The following CXXC4 variants were observed in gnomAD, a reference collection of about 807,000 sequenced individuals.
The protein encoded by CXXC4 is CXXC finger protein 4.
In CXXC4, 5 loss-of-function variants were observed where a neutral mutation model predicts 20.5. The ratio of observed to expected loss-of-function variants is 0.24; its 90% CI spans 0.13 to 0.51. The LOEUF (loss-of-function observed/expected upper bound fraction) is 0.51, where lower values mean the gene tolerates loss of function less well. Ranked by LOEUF, CXXC4 falls within the 20% of genes least tolerant of loss-of-function variation. The probability of loss-of-function intolerance (pLI) is 0.97; values close to 1 mark genes in which losing one functional copy is unlikely to be tolerated. For missense variants in CXXC4, 419 were observed against 496.4 expected, an observed-to-expected ratio of 0.84 and a Z score of 1.48; for synonymous variants, 250 against 216.4, an observed-to-expected ratio of 1.16 and a Z score of -1.36.
At chr4:104,488,099 T>C (rs971479430) in intron 2 of CXXC4, among the ~76,000 whole-genome samples, 1 of 152,232 alleles carries the variant, frequency 6.6e-6, no homozygotes, top group Admixed American at 6.5e-5. Context: ...ATGATCCAGA[T>C]GTTAATTGGC....
chr4:104,481,476 T>C (rs527481194), intron 2 of CXXC4, among the ~76,000 whole-genome samples: 1 of 151,318 alleles, frequency 6.6e-6, no homozygotes, highest in East Asian at 2.0e-4. Flanking sequence ...GAGGTTGCAA[T>C]GAGCTGAGAT....
intron 2 of CXXC4, among the ~76,000 whole-genome samples, chr4:104,481,401 C>T (rs1736554757): frequency 6.6e-6 from 1 of 151,936 alleles, no homozygotes; most frequent in African/African-American, 2.4e-5. Context: ...GGCATCATGG[C>T]GTATGCCTGT....
chr4:104,494,248 C>T (rs1196630602), intron 1 of CXXC4, among the ~76,000 whole-genome samples: 5 of 152,188 alleles, frequency 3.3e-5, no homozygotes, highest in Admixed American at 3.3e-4. Context: ...GAGATCCATA[C>T]TTCATGATCC....
Position 104,491,585 on chromosome 4 carries a change from C to A in CXXC4, c.218G>T (p.Ser73Ile). 6.5e-7 allele frequency: 1 copy of A among 1,527,592 alleles called. No homozygotes were observed. The highest frequency in any genetic ancestry group is 8.8e-7 in the Non-Finnish European group (1 of 1,136,800). 94.6% of individuals were successfully genotyped at this position (1,527,592 alleles called of 1,614,324 possible). A position where few individuals can be genotyped will look rare whatever the true frequency, so the allele number is the denominator to read the frequency against. ...GGCGGCCGCGGCGGCGGCGGCGCTG[C>A]TGGGGAAGATGGGGGTGGTGATGCG... ...IARITTPIFP[S>I]SAAAAAAAAR... The change falls in exon 2 of 3, where the codon AGC becomes ATC. Residue 73 changes from serine to isoleucine, a missense_variant. Transcript: ENST00000394767.
chr4:104,481,689 T>G (rs1736561866), intron 2 of CXXC4, among the ~76,000 whole-genome samples: 1 of 152,166 alleles, frequency 6.6e-6, no homozygotes, highest in Admixed American at 6.6e-5. Context: ...TATATGCATG[T>G]ACATATATAT....
In CXXC4 at chr4:104,491,575, G is replaced by T. The variant is rs1458817595; in HGVS notation, c.228C>A (p.Ala76=). The change falls in exon 2 of 3, where the codon GCC becomes GCA. Residue 76 remains alanine (A), a synonymous_variant. Transcript: ENST00000394767. ...ITTPIFPSSA[A]AAAAAARIGM... is the part of the protein sequence containing the mutation. ...CGATGCGCGCGGCGGCCGCGGCGGC[G>T]GCGGCGCTGCTGGGGAAGATGGGGG... is the stretch of plus-strand genomic sequence containing the variant. The T allele has an allele frequency of 6.6e-7, 1 of 1,519,066 alleles. No individual in the cohort carries two copies. The highest frequency in any genetic ancestry group is 1.4e-5 in the African/African-American group (1 of 69,738). The allele number at this position is 1,519,066 out of a possible 1,614,324, so 94.1% of individuals were successfully genotyped here.
intron 1 of CXXC4, among the ~76,000 whole-genome samples, chr4:104,493,913 A>G (rs1480030095): frequency 1.3e-5 from 2 of 152,216 alleles, no homozygotes; most frequent in African/African-American, 4.8e-5. Context: ...GTGGAGGGAA[A>G]ATTTTCAACC....
chr4:104,481,388 CCAGGCAT>C (rs1396157538), intron 2 of CXXC4, among the ~76,000 whole-genome samples: 1 of 151,962 alleles, frequency 6.6e-6, no homozygotes, highest in East Asian at 1.9e-4. Flanking sequence ...CAAAAATTAG[CCAGGCAT>C]CATGGCGTAT....
intron 1 of CXXC4, among the ~76,000 whole-genome samples, chr4:104,492,827 T>C (rs1736932778): frequency 6.6e-6 from 1 of 151,930 alleles, no homozygotes; most frequent in South Asian, 2.1e-4. Context: ...TTCTACTTGA[T>C]TTTTTTTAAG....
Position 104,491,512 on chromosome 4 carries a change from GGCGGTGGCCGCGTTGTC to G in CXXC4, c.274_290del (p.Asp92ArgfsTer99). 7.7e-7 allele frequency: 1 copy of G among 1,304,360 alleles called. No homozygotes were observed. The allele number at this position is 1,304,360 out of a possible 1,614,324, so 80.8% of individuals were successfully genotyped here. On this transcript the variant is annotated frameshift_variant, in exon 2 of 3. Coordinates refer to ENST00000394767, the MANE Select transcript of CXXC4 (RefSeq NM_025212.4). LOFTEE classifies it high-confidence loss of function. ...CCCAGAGCATGGCGGTGGCGGCGGC[GGCGGTGGCCGCGTTGTC>G]GCAGTTCCAGGGGGACATGCCGATG... is the stretch of plus-strand genomic sequence containing the variant.
intron 2 of CXXC4, among the ~76,000 whole-genome samples, chr4:104,487,397 A>C (rs2110277591): frequency 6.6e-6 from 1 of 152,308 alleles, no homozygotes; most frequent in South Asian, 2.1e-4. Context: ...AGAGACTAAG[A>C]GGCTGGGGTT....
In CXXC4 at chr4:104,491,970, G is replaced by A. The variant is rs1736899328; in HGVS notation, c.-168C>T. Reference sequence around the variant, plus strand: ...GGTTCGGGTGGGGAGAGCAAGGTGAGGGCTGCTTTATTCCTCTCTGGGGCT... The same window carrying A: ...GGTTCGGGTGGGGAGAGCAAGGTGAAGGCTGCTTTATTCCTCTCTGGGGCT... On this transcript the variant is annotated 5_prime_UTR_variant, in exon 2 of 3. Coordinates refer to ENST00000394767, the MANE Select transcript of CXXC4 (RefSeq NM_025212.4). 3 of 419,652 alleles carry A rather than the reference G, an allele frequency of 7.1e-6. No homozygotes were observed. In the South Asian group the frequency reaches 1.7e-4, roughly 24 times the overall value. The allele number at this position is 419,652 out of a possible 1,614,324, so 26.0% of individuals were successfully genotyped here.
At chr4:104,479,798 C>A (rs968865863) in intron 2 of CXXC4, among the ~76,000 whole-genome samples, 1 of 147,640 alleles carries the variant, frequency 6.8e-6, no homozygotes, top group South Asian at 2.2e-4. Flanking sequence ...TCTGTTCCTC[C>A]GTCCTTCCGT....
At chr4:104,488,244 A>G (rs900895812) in intron 2 of CXXC4, among the ~76,000 whole-genome samples, 4 of 152,194 alleles carry the variant, frequency 2.6e-5, no homozygotes, top group African/African-American at 9.7e-5. Context: ...TTCCCAGATG[A>G]GGATGGACCA....
intron 2 of CXXC4, among the ~76,000 whole-genome samples, chr4:104,476,052 A>T (rs559412716): frequency 2.0e-5 from 3 of 152,254 alleles, no homozygotes; most frequent in African/African-American, 7.2e-5. Flanking sequence ...ACTATCTTCA[A>T]GTCTAAAGGA....
At chr4:104,476,568 G>T (rs1474808720) in intron 2 of CXXC4, among the ~76,000 whole-genome samples, 1 of 152,112 alleles carries the variant, frequency 6.6e-6, no homozygotes, top group Non-Finnish European at 1.5e-5. Flanking sequence ...TTTCAAAGAG[G>T]AAATTAATGA....
intron 1 of CXXC4, among the ~76,000 whole-genome samples, chr4:104,493,534 AAG>A (rs1182404634): frequency 1.3e-5 from 2 of 152,212 alleles, no homozygotes; most frequent in African/African-American, 4.8e-5. Context: ...GTGCTCTAAA[AAG>A]AGGGGTTTAT....
In CXXC4 at chr4:104,491,235, A is replaced by G. The variant is rs1560544436; in HGVS notation, c.568T>C (p.Leu190=). 1.2e-6 allele frequency: 2 copies of G among 1,612,868 alleles called. No individual in the cohort carries two copies. Among genetic ancestry groups the G allele is most frequent in the Admixed American group, 1.7e-5 (1 of 59,996 alleles). The part of the protein sequence containing the change: ...GKAGCPPEPS[L]QMANTNFLST... ...AGGAAATTAGTATTTGCCATTTGCA[A>G]CGACGGCTCTGGCGGGCAGCCAGCT... Residue 190 remains leucine (L), a synonymous_variant, in exon 2 of 3, where the codon TTG becomes CTG. Transcript: ENST00000394767.
rs966789866 is a variant in CXXC4, at chr4:104,492,060, C to T, written c.-257-1G>A. On this transcript the variant is annotated splice_acceptor_variant, in intron 1 of 2. Coordinates refer to ENST00000394767, the MANE Select transcript of CXXC4 (RefSeq NM_025212.4). LOFTEE classifies it low-confidence loss of function (5UTR_SPLICE). ...TTGCATTATCCTCCAACTGTTACAA[C>T]TAAAATAAAGAAAGTCATTCCAACG... 8.8e-6 allele frequency: 3 copies of T among 339,532 alleles called. No individual in the cohort carries two copies. The highest frequency in any genetic ancestry group is 6.3e-5 in the African/African-American group (3 of 47,538). The allele number at this position is 339,532 out of a possible 1,614,324, so 21.0% of individuals were successfully genotyped here.
Sources: allele counts gnomAD v4.1 joint callset (sites outside exome capture counted in the v4.1 genomes callset), GRCh38; gene constraint gnomAD v4.1.1; transcripts MANE v1.5; gene names NCBI Gene and HGNC (gene_info 2026-07-23, HGNC 2026-07-21).